USP8: variants seen among roughly 807,000 people sequenced by gnomAD.
USP8 encodes the protein ubiquitin specific peptidase 8.
USP8 carries 27 observed loss-of-function variants against 130.0 expected under a neutral mutation model. The ratio of observed to expected loss-of-function variants is 0.21; its 90% CI spans 0.15 to 0.29. The LOEUF is 0.29. Ranked by LOEUF, USP8 falls within the 10% of genes least tolerant of loss-of-function variation. USP8 has a pLI of 1.00. For synonymous variants in USP8, 392 were observed against 444.1 expected (o/e 0.88, Z 1.48); for missense variants, 1,029 against 1,312.2 (o/e 0.78, Z 3.33).
At chr15:50,446,771 A>G (rs1448539327) in intron 3 of USP8, among the ~76,000 whole-genome samples, 1 of 152,230 alleles carries the variant, frequency 6.6e-6, no homozygotes, top group Non-Finnish European at 1.5e-5. Context: ...ACTCTTATCA[A>G]CAGACTTTTT....
In USP8 at chr15:50,439,127, A is replaced by C; in HGVS notation, c.54A>C (p.Lys18Asn). 6.3e-7 allele frequency: 1 copy of C among 1,593,482 alleles called. No homozygotes were observed. The highest frequency in any genetic ancestry group is 8.5e-7 in the Non-Finnish European group (1 of 1,174,152). The change falls in exon 2 of 20, where the codon AAA (lysine) becomes AAC (asparagine). Residue 18 changes from lysine to asparagine, a missense_variant. Coordinates refer to ENST00000307179, the MANE Select transcript of USP8 (RefSeq NM_005154.5). ...PKELYLSSSL[K>N]DLNKKTEVKP... is the part of the protein sequence containing the mutation. ...AACTCTACCTCAGTTCTTCACTAAA[A>C]GACCTTAATAAGAAGACAGAAGTTA...
intron 17 of USP8, 118 bp from the exon 18 acceptor site, chr15:50,496,969 CTT>C: frequency 1.5e-6 from 2 of 1,317,474 alleles, no homozygotes; most frequent in Non-Finnish European, 2.1e-6. Context: ...GGCAGGAACT[CTT>C]TTGTGTAGAT....
chr15:50,484,175 C>A, intron 11 of USP8, 100 bp from the exon 12 acceptor site: 5 of 836,782 alleles, frequency 6.0e-6, no homozygotes, highest in African/African-American at 1.8e-5. Context: ...TCTCCTTTTA[C>A]ATTTTCATTC....
Position 50,497,090 on chromosome 15 carries a change from A to T in USP8, c.2897A>T (p.Asp966Val). 1 of 1,588,114 alleles carries T rather than the reference A, an allele frequency of 6.3e-7. No homozygotes were observed. Among genetic ancestry groups the T allele is most frequent in the Admixed American group, 1.9e-5 (1 of 53,526 alleles). ...CTGCTACTTGTTTTTTTCTGCCAGG[A>T]TTGCCTTAGATTATTTTCCAAAGAA... ...LASTSKCTLQ[D>V]CLRLFSKEEK... The change falls in exon 18 of 20, where the codon GAT (aspartate) becomes GTT (valine). Residue 966 changes from aspartate to valine, a missense_variant and splice_region_variant. Transcript: ENST00000307179.
intron 1 of USP8, among the ~76,000 whole-genome samples, chr15:50,434,162 G>A (rs1005086961): frequency 6.6e-6 from 1 of 150,580 alleles, no homozygotes; most frequent in Non-Finnish European, 1.5e-5. Flanking sequence ...TTGCTCTGTC[G>A]CCCAGACTCC....
chr15:50,460,965 T>C (rs1360745287), intron 5 of USP8, among the ~76,000 whole-genome samples: 1 of 151,544 alleles, frequency 6.6e-6, no homozygotes, highest in East Asian at 2.0e-4. Context: ...GAGACCAGCC[T>C]GGGCAACATG....
intron 5 of USP8, 81 bp downstream of exon 5, chr15:50,459,243 A>G (rs902031021): frequency 2.0e-6 from 3 of 1,494,532 alleles, no homozygotes; most frequent in East Asian, 2.3e-5. Flanking sequence ...AGATACCACT[A>G]TAAAGTTCTT....
intron 8 of USP8, among the ~76,000 whole-genome samples, chr15:50,476,312 C>T (rs2051565925): frequency 6.6e-6 from 1 of 152,158 alleles, no homozygotes; most frequent in Non-Finnish European, 1.5e-5. Flanking sequence ...GCTTGTAAGT[C>T]CCAGCTACTG....
At chr15:50,449,141 CTT>C (rs1341851829) in intron 3 of USP8, among the ~76,000 whole-genome samples, 4 of 152,100 alleles carry the variant, frequency 2.6e-5, no homozygotes, top group African/African-American at 9.7e-5. Flanking sequence ...GTTATTTATA[CTT>C]TTTAACAGAG....
chr15:50,494,308 A>G, intron 16 of USP8, 28 bp downstream of exon 16: 2 of 1,577,306 alleles, frequency 1.3e-6, no homozygotes, highest in Middle Eastern at 4.1e-4. Flanking sequence ...TCTAAGTTGC[A>G]GAGACTCTTT....
intron 8 of USP8, among the ~76,000 whole-genome samples, chr15:50,474,291 C>T (rs1393461756): frequency 1.3e-5 from 2 of 152,188 alleles, no homozygotes; most frequent in Non-Finnish European, 2.9e-5. Context: ...GTGTGAGCCA[C>T]CACACCCAGT....
chr15:50,448,969 A>G (rs1011240228), intron 3 of USP8, among the ~76,000 whole-genome samples: 5 of 152,214 alleles, frequency 3.3e-5, no homozygotes, highest in South Asian at 2.1e-4. Flanking sequence ...GGAAGCAAAA[A>G]TATCTGTTTA....
intron 1 of USP8, among the ~76,000 whole-genome samples, chr15:50,433,686 A>G (rs1455709582): frequency 6.6e-6 from 1 of 152,026 alleles, no homozygotes; most frequent in Admixed American, 6.6e-5. Flanking sequence ...GCTCACTGCA[A>G]GCTCCACCTC....
chr15:50,487,438 A>C (rs548384134), intron 12 of USP8, among the ~76,000 whole-genome samples: 1 of 152,302 alleles, frequency 6.6e-6, no homozygotes, highest in African/African-American at 2.4e-5. Flanking sequence ...TTAAAGAGAA[A>C]GAGTAGGGAT....
Position 50,495,017 on chromosome 15 carries a change from TAA to T in USP8, c.2658+756_2658+757del, listed in dbSNP as rs34381291. On this transcript the variant is annotated intron_variant, in intron 16 of 19. Coordinates refer to ENST00000307179, the MANE Select transcript of USP8 (RefSeq NM_005154.5). ...CTGGGCGACAGAGTGAGACTCTTTCTAAAAAAAAAAAAAAAAAAAATTACTCC... is the reference window on the plus strand; with the variant it reads ...CTGGGCGACAGAGTGAGACTCTTTCTAAAAAAAAAAAAAAAAAATTACTCC... 4.6e-4 allele frequency among the ~76,000 whole-genome samples: 52 copies of T among 113,478 alleles called. 1 individual carries two copies. The highest frequency in any genetic ancestry group is 5.5e-4 in the Admixed American group (6 of 10,816). 74.4% of individuals were successfully genotyped at this position (113,478 alleles called of 152,430 possible). A position where few individuals can be genotyped will look rare whatever the true frequency, so the allele number is the denominator to read the frequency against.
chr15:50,492,890 C>T lies in USP8; in HGVS notation c.2424C>T (p.Asn808=), dbSNP rs1265418668. The T allele has an allele frequency of 1.2e-6, 2 of 1,613,994 alleles. No homozygotes were observed. The highest frequency in any genetic ancestry group is 1.7e-6 in the Non-Finnish European group (2 of 1,179,938). ...APHLADYFNR[N]CYQDDINRSN... ...ATTTGGCTGATTATTTCAACCGAAA[C>T]TGTTATCAGGATGATATTAACAGGT... Residue 808 remains asparagine (N), a synonymous_variant, in exon 15 of 20, where the codon AAC becomes AAT. Coordinates refer to ENST00000307179, the MANE Select transcript of USP8 (RefSeq NM_005154.5).
chr15:50,490,220 T>C (rs1239260022), intron 13 of USP8, 43 bp from the exon 14 acceptor site: 2 of 1,559,066 alleles, frequency 1.3e-6, no homozygotes, highest in Non-Finnish European at 1.7e-6. Context: ...ATAATGCTTA[T>C]TTTTGTTTTT....
intron 1 of USP8, among the ~76,000 whole-genome samples, chr15:50,426,057 G>T (rs1318722982): frequency 6.6e-6 from 1 of 152,172 alleles, no homozygotes; most frequent in Non-Finnish European, 1.5e-5. Context: ...GAAAGCGAAG[G>T]TTGCAGTGAG....
At chr15:50,470,923 C>T (rs1405083026) in intron 7 of USP8, among the ~76,000 whole-genome samples, 2 of 152,090 alleles carry the variant, frequency 1.3e-5, no homozygotes, top group South Asian at 4.1e-4. Flanking sequence ...TGTGAGCAAA[C>T]GATGATGTGA....
Sources: gnomAD v4.1 joint callset for allele counts (sites outside exome capture counted in the v4.1 genomes callset) on GRCh38, gnomAD v4.1.1 for gene constraint, MANE v1.5 for transcripts, NCBI Gene and HGNC (gene_info 2026-07-23, HGNC 2026-07-21) for gene names.